The following ARMH3 variants were observed in gnomAD, a reference collection of about 807,000 sequenced individuals.
The protein encoded by ARMH3 is armadillo-like helical domain-containing protein 3.
In ARMH3, 60 loss-of-function variants were observed where a neutral mutation model predicts 99.1. The observed-to-expected ratio is 0.61, with a 90% CI of 0.49 to 0.75. ARMH3 has a LOEUF of 0.75. Among genes scored for constraint, ARMH3 ranks in the 30% least tolerant of loss-of-function variants. ARMH3 has a pLI of 0.00. For missense variants in ARMH3, 679 were observed against 843.1 expected (o/e 0.81, Z 2.41); for synonymous variants, 285 against 292.8 (o/e 0.97, Z 0.27).
chr10:101,875,734 T>C (rs2067244407), intron 24 of ARMH3, among the ~76,000 whole-genome samples: 1 of 152,200 alleles, frequency 6.6e-6, no homozygotes, highest in Non-Finnish European at 1.5e-5. Context: ...TGAGAGGCCA[T>C]CAGTTGGTTA....
At chr10:101,946,654 C>T (rs1472245419) in intron 22 of ARMH3, among the ~76,000 whole-genome samples, 1 of 151,934 alleles carries the variant, frequency 6.6e-6, no homozygotes, top group African/African-American at 2.4e-5. Context: ...GACAGGGCCT[C>T]AGAAACATAT....
At chr10:101,980,284 G>A (rs1483756192) in intron 19 of ARMH3, among the ~76,000 whole-genome samples, 1 of 152,026 alleles carries the variant, frequency 6.6e-6, no homozygotes, top group Non-Finnish European at 1.5e-5. Flanking sequence ...TCCTCCTTTT[G>A]TCTTTCGGGG....
intron 23 of ARMH3, among the ~76,000 whole-genome samples, chr10:101,911,801 C>G (rs1842878348): frequency 6.6e-6 from 1 of 152,174 alleles, no homozygotes; most frequent in African/African-American, 2.4e-5. Flanking sequence ...CTCTGGGAGG[C>G]AAGGCGGGTG....
intron 23 of ARMH3, among the ~76,000 whole-genome samples, chr10:101,930,744 G>A (rs896264972): frequency 6.6e-6 from 1 of 152,130 alleles, no homozygotes; most frequent in Non-Finnish European, 1.5e-5. Flanking sequence ...AAGCCCAGAT[G>A]AGTACAGAAA....
At chr10:102,041,372 T>A (rs1380568988) in intron 1 of ARMH3, among the ~76,000 whole-genome samples, 1 of 151,930 alleles carries the variant, frequency 6.6e-6, no homozygotes. Context: ...CTTAATCTCA[T>A]CCAATGACAA....
intron 5 of ARMH3, among the ~76,000 whole-genome samples, chr10:102,026,832 T>C (rs572296182): frequency 2.0e-4 from 30 of 152,222 alleles, no homozygotes; most frequent in Non-Finnish European, 3.4e-4. Context: ...GTGGTGTCAG[T>C]GTGGATGATG....
chr10:101,880,591 G>A (rs572040099), intron 24 of ARMH3, among the ~76,000 whole-genome samples: 2 of 152,236 alleles, frequency 1.3e-5, no homozygotes, highest in South Asian at 2.1e-4. Context: ...AGTAGCCATG[G>A]TGGGAGCATT....
intron 1 of ARMH3, among the ~76,000 whole-genome samples, chr10:102,052,585 C>G (rs995661354): frequency 6.6e-6 from 1 of 152,086 alleles, no homozygotes; most frequent in Non-Finnish European, 1.5e-5. Flanking sequence ...AACTGATTTC[C>G]TGCTACTTGA....
At chr10:101,853,491 T>C (rs2066656815) in intron 24 of ARMH3, among the ~76,000 whole-genome samples, 1 of 152,146 alleles carries the variant, frequency 6.6e-6, no homozygotes, top group African/African-American at 2.4e-5. Flanking sequence ...GAGAGGGCCA[T>C]CTCCCAGAGC....
rs751114734 is a variant in ARMH3 at position 101,993,615 on chromosome 10, A to T, written c.1210-12T>A. On this transcript the variant is annotated splice_polypyrimidine_tract_variant and intron_variant, in intron 16 of 25. Coordinates refer to ENST00000370033, the MANE Select transcript of ARMH3 (RefSeq NM_024541.3). ...TTGGCATATTGATCCTAATAAAAAT[A>T]TAGAGAAAAAGTAAGAAGCGAGAGC... 6.4e-7 allele frequency: 1 copy of T among 1,551,560 alleles called. No homozygotes were observed. The highest frequency in any genetic ancestry group is 1.9e-5 in the Admixed American group (1 of 52,936).
At chr10:102,039,307 G>A (rs952086404) in intron 2 of ARMH3, among the ~76,000 whole-genome samples, 1 of 151,964 alleles carries the variant, frequency 6.6e-6, no homozygotes, top group African/African-American at 2.4e-5. Context: ...ACCATGCCCG[G>A]CTAAGTTTTG....
chr10:101,852,688 G>A (rs1436882337), intron 24 of ARMH3, among the ~76,000 whole-genome samples: 2 of 151,822 alleles, frequency 1.3e-5, no homozygotes, highest in African/African-American at 4.8e-5. Flanking sequence ...GGCAGAGGAT[G>A]CCATGCCATG....
intron 1 of ARMH3, among the ~76,000 whole-genome samples, chr10:102,047,019 T>C (rs769939444): frequency 1.3e-5 from 2 of 152,232 alleles, no homozygotes; most frequent in Middle Eastern, 3.4e-3. Flanking sequence ...ATGTAGGTAA[T>C]AGTAAAGTGA....
chr10:101,953,725 T>C (rs540838922), intron 22 of ARMH3, among the ~76,000 whole-genome samples: 1 of 152,164 alleles, frequency 6.6e-6, no homozygotes, highest in Admixed American at 6.5e-5. Context: ...AAGTGGAGAA[T>C]ATCAAGTGCT....
rs796242379 is a variant in ARMH3 at position 102,045,150 on chromosome 10, G to A, written c.-11-5025C>T. ...GTCTCAAAAAAAAAAAAAAAAAAAAGAGCGAAACAAAAGTAAATAGTTTAG... is the reference window on the plus strand; with the variant it reads ...GTCTCAAAAAAAAAAAAAAAAAAAAAAGCGAAACAAAAGTAAATAGTTTAG... On this transcript the variant is annotated intron_variant, in intron 1 of 25. Coordinates refer to ENST00000370033, the MANE Select transcript of ARMH3 (RefSeq NM_024541.3). Among the ~76,000 whole-genome samples the A allele has an allele frequency of 9.4e-3, 1,155 of 123,416 alleles. 16 individuals are homozygous for A. The highest frequency in any genetic ancestry group is 0.034 in the African/African-American group (1,087 of 32,228). The allele number at this position is 123,416 out of a possible 152,430, so 81.0% of individuals were successfully genotyped here.
chr10:102,029,561 C>T (rs749200633), intron 5 of ARMH3, 77 bp downstream of exon 5: 3 of 1,613,812 alleles, frequency 1.9e-6, no homozygotes, highest in Non-Finnish European at 2.5e-6. Flanking sequence ...TCTTTGAGTA[C>T]ATTTGTCTGC....
In ARMH3 at chr10:101,919,670, T is replaced by C. The variant is rs530797111; in HGVS notation, c.1781+20193A>G. Among the ~76,000 whole-genome samples, 42 of 152,296 alleles carry C rather than the reference T, an allele frequency of 2.8e-4. 1 individual carries two copies. In the South Asian group the frequency reaches 8.7e-3, roughly 32 times the overall value. On this transcript the variant is annotated intron_variant, in intron 23 of 25. Coordinates refer to ENST00000370033, the MANE Select transcript of ARMH3 (RefSeq NM_024541.3). ...ATGCTGGATCCTACGAAACATTCAA[T>C]ACTTACTAAACTGTACCGGGAGAGT...
intron 17 of ARMH3, among the ~76,000 whole-genome samples, chr10:101,992,796 A>G (rs1033784463): frequency 5.3e-5 from 8 of 151,930 alleles, no homozygotes; most frequent in Non-Finnish European, 1.0e-4. Flanking sequence ...CCGGCCCTCA[A>G]TGTGATATTT....
At chr10:102,038,888 C>T (rs550310320) in intron 2 of ARMH3, among the ~76,000 whole-genome samples, 19 of 151,844 alleles carry the variant, frequency 1.3e-4, no homozygotes, top group African/African-American at 3.9e-4. Flanking sequence ...TACATGCACA[C>T]GCCACCACAC....
Sources: allele counts gnomAD v4.1 joint callset (sites outside exome capture counted in the v4.1 genomes callset), GRCh38; gene constraint gnomAD v4.1.1; transcripts MANE v1.5; gene names NCBI Gene and HGNC (gene_info 2026-07-23, HGNC 2026-07-21).